The following ADAMTSL1 variants were observed in gnomAD, a reference collection of about 807,000 sequenced individuals.
ADAMTSL1 encodes the protein ADAMTS like 1.
In ADAMTSL1, 126 loss-of-function variants were observed where a neutral mutation model predicts 201.8. The observed-to-expected ratio is 0.62, with a 90% CI of 0.54 to 0.72. The LOEUF is 0.72. Ranked by LOEUF, ADAMTSL1 falls within the 30% of genes least tolerant of loss-of-function variation. The probability of loss-of-function intolerance (pLI) is 0.00; values close to 1 mark genes in which losing one functional copy is unlikely to be tolerated. For missense variants in ADAMTSL1, 2,679 were observed against 2,277.8 expected (o/e 1.18, Z -3.59); for synonymous variants, 1,121 against 903.4 (o/e 1.24, Z -4.32).
intron 1 of ADAMTSL1, among the ~76,000 whole-genome samples, chr9:17,948,068 A>G (rs1479756000): frequency 6.6e-6 from 1 of 152,174 alleles, no homozygotes; most frequent in African/African-American, 2.4e-5. Flanking sequence ...TTACATGCTC[A>G]TCATCAATTT....
At chr9:18,186,596 T>A (rs1473593088) in intron 2 of ADAMTSL1, among the ~76,000 whole-genome samples, 1 of 152,144 alleles carries the variant, frequency 6.6e-6, no homozygotes, top group Non-Finnish European at 1.5e-5. Context: ...CTTAAAAAAA[T>A]TATTGCAATA....
intron 26 of ADAMTSL1, among the ~76,000 whole-genome samples, chr9:18,905,176 A>G (rs571594773): frequency 6.6e-6 from 1 of 152,292 alleles, no homozygotes; most frequent in East Asian, 1.9e-4. Flanking sequence ...TTTCACAGAC[A>G]GTTGTTGCTA....
intron 15 of ADAMTSL1, among the ~76,000 whole-genome samples, chr9:18,728,540 A>G (rs1818035898): frequency 6.6e-6 from 1 of 152,236 alleles, no homozygotes; most frequent in South Asian, 2.1e-4. Context: ...ACGAGAAGAC[A>G]AAACCCTGTC....
intron 4 of ADAMTSL1, among the ~76,000 whole-genome samples, chr9:18,579,730 A>G (rs1822977867): frequency 6.6e-6 from 1 of 152,190 alleles, no homozygotes. Flanking sequence ...TCCACATTGT[A>G]CAATTATCAA....
chr9:18,728,894 G>A (rs1818055203), intron 15 of ADAMTSL1, among the ~76,000 whole-genome samples: 1 of 152,180 alleles, frequency 6.6e-6, no homozygotes, highest in Admixed American at 6.5e-5. Context: ...TTAGCCAGGG[G>A]TGTGGAACCG....
At chr9:18,447,815 G>A (rs1261282439) in intron 2 of ADAMTSL1, among the ~76,000 whole-genome samples, 1 of 152,190 alleles carries the variant, frequency 6.6e-6, no homozygotes, top group East Asian at 1.9e-4. Flanking sequence ...ATGCCCCTCA[G>A]GGGCCTGGTG....
At chr9:18,478,967 T>A (rs1301685121) in intron 1 of ADAMTSL1, among the ~76,000 whole-genome samples, 3 of 152,176 alleles carry the variant, frequency 2.0e-5, no homozygotes, top group Non-Finnish European at 4.4e-5. Flanking sequence ...TTGGCTTGAT[T>A]GGCAGTACTG....
At chr9:18,207,509 A>G (rs1248747842) in intron 2 of ADAMTSL1, among the ~76,000 whole-genome samples, 4 of 152,226 alleles carry the variant, frequency 2.6e-5, no homozygotes, top group African/African-American at 9.6e-5. Flanking sequence ...CATTTTAACA[A>G]TAACTAATAT....
intron 2 of ADAMTSL1, among the ~76,000 whole-genome samples, chr9:18,449,650 C>A (rs1253746399): frequency 6.6e-6 from 1 of 152,052 alleles, no homozygotes; most frequent in Admixed American, 6.6e-5. Flanking sequence ...GGACTTGTGT[C>A]TAGAATATGT....
intron 2 of ADAMTSL1, among the ~76,000 whole-genome samples, chr9:18,212,349 A>C (rs1411582812): frequency 6.6e-6 from 1 of 152,224 alleles, no homozygotes; most frequent in Non-Finnish European, 1.5e-5. Flanking sequence ...ACATGACAAA[A>C]TTCCAAGTGT....
intron 1 of ADAMTSL1, among the ~76,000 whole-genome samples, chr9:18,083,044 A>T (rs1004995196): frequency 6.6e-6 from 1 of 152,254 alleles, no homozygotes; most frequent in Non-Finnish European, 1.5e-5. Context: ...AAGTGGAAAA[A>T]TTAAAAGTGC....
intron 1 of ADAMTSL1, among the ~76,000 whole-genome samples, chr9:17,952,730 T>C (rs1240809331): frequency 6.6e-6 from 1 of 152,292 alleles, no homozygotes; most frequent in African/African-American, 2.4e-5. Context: ...TTTCACCACG[T>C]TGGCCAGGCT....
At chr9:18,367,928 C>T (rs188742786) in intron 2 of ADAMTSL1, among the ~76,000 whole-genome samples, 185 of 151,972 alleles carry the variant, frequency 1.2e-3, no homozygotes, top group African/African-American at 3.8e-3. Flanking sequence ...GAGACGGAGT[C>T]TCGCTCTGTC....
chr9:18,789,366 T>G (rs531020959), intron 19 of ADAMTSL1, among the ~76,000 whole-genome samples: 189 of 152,296 alleles, frequency 1.2e-3, no homozygotes, highest in African/African-American at 4.4e-3. Context: ...CACTGAGAAG[T>G]TAAGTAAATT....
chr9:18,510,019 C>G (rs1018719569), intron 2 of ADAMTSL1, among the ~76,000 whole-genome samples: 1 of 152,176 alleles, frequency 6.6e-6, no homozygotes, highest in Non-Finnish European at 1.5e-5. Context: ...AGAGGCCTAG[C>G]AGGTAACTGG....
intron 21 of ADAMTSL1, among the ~76,000 whole-genome samples, chr9:18,821,310 C>A (rs537039339): frequency 6.6e-6 from 1 of 152,288 alleles, no homozygotes; most frequent in Admixed American, 6.5e-5. Context: ...GATCTGCCCC[C>A]ACAGTGTCAT....
intron 2 of ADAMTSL1, among the ~76,000 whole-genome samples, chr9:18,236,018 C>T (rs978963640): frequency 2.0e-5 from 3 of 152,180 alleles, no homozygotes; most frequent in African/African-American, 7.2e-5. Flanking sequence ...ATTTCATCTA[C>T]TTGGATTCTA....
chr9:18,476,180 T>C (rs1821441551), intron 1 of ADAMTSL1, among the ~76,000 whole-genome samples: 1 of 152,142 alleles, frequency 6.6e-6, no homozygotes. Context: ...TGCCAAGCAA[T>C]AACAGCATTA....
At chr9:18,459,053 G>A (rs1209661163) in intron 2 of ADAMTSL1, among the ~76,000 whole-genome samples, 4 of 152,170 alleles carry the variant, frequency 2.6e-5, no homozygotes, top group Non-Finnish European at 5.9e-5. Flanking sequence ...GAAAAGGTGG[G>A]ATCTTATCTT....
Sources: allele counts gnomAD v4.1 joint callset (sites outside exome capture counted in the v4.1 genomes callset), GRCh38; gene constraint gnomAD v4.1.1; transcripts MANE v1.5; gene names NCBI Gene and HGNC (gene_info 2026-07-23, HGNC 2026-07-21).